Variants in ZNF777 observed in about 807,000 individuals in gnomAD.
The protein encoded by ZNF777 is zinc finger protein 777.
ZNF777 carries 7 observed loss-of-function variants against 72.1 expected under a neutral mutation model. The observed-to-expected ratio is 0.10, with a 90% CI of 0.06 to 0.18. The LOEUF is 0.18. Among genes scored for constraint, ZNF777 ranks in the 10% least tolerant of loss-of-function variants. ZNF777 has a pLI of 1.00. For missense variants in ZNF777, 828 were observed against 1,128.6 expected (o/e 0.73, Z 3.82); for synonymous variants, 545 against 483.5 (o/e 1.13, Z -1.67).
intron 3 of ZNF777, among the ~76,000 whole-genome samples, chr7:149,452,821 TA>T (rs1488958712): frequency 6.6e-6 from 1 of 152,158 alleles, no homozygotes; most frequent in Non-Finnish European, 1.5e-5. Flanking sequence ...CATAAAACTA[TA>T]AATGTGCATC....
intron 3 of ZNF777, among the ~76,000 whole-genome samples, chr7:149,451,413 G>A (rs1362156804): frequency 3.3e-5 from 5 of 152,098 alleles, no homozygotes; most frequent in African/African-American, 7.2e-5. Context: ...AATCCTGGCC[G>A]GGTGCAGTGG....
At chr7:149,451,255 T>G in intron 3 of ZNF777, 143 bp from the exon 4 acceptor site, 1 of 694,586 alleles carries the variant, frequency 1.4e-6, no homozygotes, top group Non-Finnish European at 2.5e-6. Context: ...TCCCCTTCTT[T>G]TCCCAAGAGC....
rs1381618585 is a variant in ZNF777 at position 149,460,492 on chromosome 7, C to CCCAGCT, written c.-16+317_-16+322dup. ...GCCCCTCTGCGGCCGCGGCTGGGAC[C>CCCAGCT]CCAGCTCCGGCCCCGGCCCCGGCTG... On this transcript the variant is annotated intron_variant, in intron 1 of 5. Transcript: ENST00000247930. This position sits in a 1 kb window ranked among gnomAD's most constrained non-coding sequence, Gnocchi z 6.1. Among the ~76,000 whole-genome samples the CCCAGCT allele has an allele frequency of 1.3e-5, 2 of 149,896 alleles. No individual in the cohort carries two copies. The highest frequency in any genetic ancestry group is 3.9e-4 in the East Asian group (2 of 5,128).
chr7:149,457,888 A>G (rs935690453), intron 1 of ZNF777, among the ~76,000 whole-genome samples: 7 of 152,254 alleles, frequency 4.6e-5, no homozygotes, highest in African/African-American at 1.4e-4. Flanking sequence ...CACTGGGGAC[A>G]GGAGAGACTA....
chr7:149,453,664 C>A (rs1004186371), intron 3 of ZNF777, among the ~76,000 whole-genome samples: 18 of 152,220 alleles, frequency 1.2e-4, no homozygotes, highest in Non-Finnish European at 2.5e-4. Flanking sequence ...GCCTCCGCAA[C>A]ATCTTGGCTG....
At chr7:149,449,824 G>A (rs1389131707) in intron 4 of ZNF777, among the ~76,000 whole-genome samples, 1 of 152,020 alleles carries the variant, frequency 6.6e-6, no homozygotes, top group Non-Finnish European at 1.5e-5. Flanking sequence ...CCCTCTCCTC[G>A]AGTTAAATTT....
At position 149,432,444 on chromosome 7, in the gene ZNF777, T is replaced by C. The variant is rs766274700; in HGVS notation, c.1828A>G (p.Thr610Ala). The change falls in exon 6 of 6, where the codon ACG (threonine) becomes GCG (alanine). Residue 610 changes from threonine to alanine, a missense_variant. Physicochemically the swap from Thr to Ala is moderately conservative, Grantham distance 58. Coordinates refer to ENST00000247930, the MANE Select transcript of ZNF777 (RefSeq NM_015694.3). ...TTGAGCGCGTGCTTGGGGTTGAACG[T>C]GGGCCCGCGTTCGGGTGAGACGCAG... ...GGCVSPERGPTFNPKHALKPR... is the reference protein window; with the variant it reads ...GGCVSPERGPAFNPKHALKPR... 4.3e-6 allele frequency: 7 copies of C among 1,613,480 alleles called. No homozygotes were observed. Among genetic ancestry groups the C allele is most frequent in the Non-Finnish European group, 5.1e-6 (6 of 1,179,884 alleles).
At position 149,450,068 on chromosome 7, in the gene ZNF777, A is replaced by G. The variant is rs181922693; in HGVS notation, c.1087+931T>C. Among the ~76,000 whole-genome samples, 221 of 152,272 alleles carry G rather than the reference A, an allele frequency of 1.5e-3. 1 individual carries two copies. Among genetic ancestry groups the G allele is most frequent in the Middle Eastern group, 3.4e-3 (1 of 294 alleles). ...GCCCCAAACAGAGTTCTCCAGGTGG[A>G]TCATCCTCTTTCAGCAGACATGATC... On this transcript the variant is annotated intron_variant, in intron 4 of 5. Transcript: ENST00000247930.
chr7:149,435,115 T>A (rs1799389026), intron 5 of ZNF777, among the ~76,000 whole-genome samples: 1 of 152,234 alleles, frequency 6.6e-6, no homozygotes, highest in African/African-American at 2.4e-5. Context: ...CAGCATGGTA[T>A]GTCAAAAACA....
chr7:149,441,648 T>C (rs765448736), intron 4 of ZNF777, among the ~76,000 whole-genome samples: 16 of 152,188 alleles, frequency 1.1e-4, no homozygotes, highest in Non-Finnish European at 2.2e-4. Flanking sequence ...TTCGTGTTCA[T>C]AAGAACTCCT....
At chr7:149,459,939 G>GCCCT in intron 1 of ZNF777, 1 of 936,786 alleles carries the variant, frequency 1.1e-6, no homozygotes, top group Non-Finnish European at 1.3e-6. Flanking sequence ...GAGGCCCGTA[G>GCCCT]CCCTCCCCCA....
chr7:149,436,770 T>A lies in ZNF777; in HGVS notation c.1144A>T (p.Ser382Cys). Residue 382 changes from serine (S) to cysteine (C), a missense_variant, in exon 5 of 6, where the codon AGT becomes TGT. This residue lies in a region of ZNF777 where 219 missense variants were observed against 223.0 expected (regional missense o/e 0.98). Coordinates refer to ENST00000247930, the MANE Select transcript of ZNF777 (RefSeq NM_015694.3). The surrounding 1 kb of genome is among the most constrained non-coding windows in gnomAD (Gnocchi z 5.0). ...EVQTNDEGSE[S>C]LETPEPLMGQ... ...ATCAGGGGCTCAGGTGTCTCCAAAC[T>A]TTCTGAGCCCTCGTCGTTGGTCTGT... 1 of 1,614,110 alleles carries A rather than the reference T, an allele frequency of 6.2e-7. No individual in the cohort carries two copies. Among genetic ancestry groups the A allele is most frequent in the Non-Finnish European group, 8.5e-7 (1 of 1,180,012 alleles).
At chr7:149,459,891 C>A (rs921638523) in intron 1 of ZNF777, 3 of 979,670 alleles carry the variant, frequency 3.1e-6, no homozygotes, top group Non-Finnish European at 3.6e-6. Flanking sequence ...GTGTGCCGGG[C>A]CGGGCGTGAG....
At chr7:149,434,338 T>C (rs920997626) in intron 5 of ZNF777, among the ~76,000 whole-genome samples, 2 of 152,120 alleles carry the variant, frequency 1.3e-5, no homozygotes, top group Admixed American at 6.5e-5. Flanking sequence ...GTGGTAAAAT[T>C]AGGACACAGG....
At chr7:149,453,030 G>C (rs1799754121) in intron 3 of ZNF777, among the ~76,000 whole-genome samples, 1 of 152,180 alleles carries the variant, frequency 6.6e-6, no homozygotes, top group Non-Finnish European at 1.5e-5. Context: ...TGCTGACATG[G>C]AACACTCTCT....
In ZNF777 at chr7:149,455,776, A is replaced by G. The variant is rs559958834; in HGVS notation, c.247T>C (p.Cys83Arg). The G allele has an allele frequency of 4.4e-6, 7 of 1,608,450 alleles. No homozygotes were observed. In the South Asian group the frequency reaches 6.6e-5, roughly 15 times the overall value. ...GTCTCTTGCTCAGAAGCGGCAGAAC[A>G]CAGGAGTGAGGGTCCCTTCTGGAGC... ...HVLQKGPSLLCSAASEQETSL... is the reference protein window; with the variant it reads ...HVLQKGPSLLRSAASEQETSL... The change falls in exon 2 of 6, where the codon TGT becomes CGT. Residue 83 changes from cysteine to arginine, a missense_variant. Transcript: ENST00000247930. This position sits in a 1 kb window ranked among gnomAD's most constrained non-coding sequence, Gnocchi z 4.2.
At chr7:149,434,829 C>T (rs1433846358) in intron 5 of ZNF777, among the ~76,000 whole-genome samples, 1 of 152,306 alleles carries the variant, frequency 6.6e-6, no homozygotes, top group Middle Eastern at 3.4e-3. Flanking sequence ...GTGATCCGAT[C>T]CGCCTGCCCC....
chr7:149,441,482 G>A (rs1328504360), intron 4 of ZNF777, among the ~76,000 whole-genome samples: 1 of 152,142 alleles, frequency 6.6e-6, no homozygotes, highest in African/African-American at 2.4e-5. Flanking sequence ...GAGGATGTTC[G>A]GTTATTCGTG....
rs1224422449 is a variant in ZNF777, at chr7:149,432,317, G to A, written c.1955C>T (p.Thr652Ile). ...ACCCGTGTGCGTGATCTGGTGTTTGGTCAGGCTGGACTTGTGGCTGAAGCT... is the reference window on the plus strand; with the variant it reads ...ACCCGTGTGCGTGATCTGGTGTTTGATCAGGCTGGACTTGTGGCTGAAGCT... ...DSSFSHKSSL[T>I]KHQITHTGER... The change falls in exon 6 of 6, where the codon ACC becomes ATC. Residue 652 changes from threonine to isoleucine, a missense_variant. Transcript: ENST00000247930. 6.2e-7 allele frequency: 1 copy of A among 1,610,102 alleles called. No homozygotes were observed. The highest frequency in any genetic ancestry group is 1.7e-5 in the Admixed American group (1 of 59,982).
Sources: gnomAD v4.1 joint callset for allele counts (sites outside exome capture counted in the v4.1 genomes callset) on GRCh38, gnomAD v4.1.1 for gene constraint, gnomAD v4.1.1 regional missense constraint, Gnocchi (gnomAD v3.1) non-coding constraint, MANE v1.5 for transcripts, NCBI Gene and HGNC (gene_info 2026-07-23, HGNC 2026-07-21) for gene names.